The following SMAP2 variants were observed in gnomAD, a reference collection of about 807,000 sequenced individuals.
SMAP2 encodes small ArfGAP2.
In SMAP2, 25 loss-of-function variants were observed where a neutral mutation model predicts 56.4. That is an observed-to-expected ratio of 0.44 (90% CI 0.32 to 0.62). The LOEUF (loss-of-function observed/expected upper bound fraction) is 0.62. SMAP2 is among the 20% of genes least tolerant of loss of function. SMAP2 has a pLI of 0.04. For missense variants in SMAP2, 388 were observed against 545.6 expected, an observed-to-expected ratio of 0.71 and a Z score of 2.88; for synonymous variants, 157 against 181.7, an observed-to-expected ratio of 0.86 and a Z score of 1.09.
At chr1:40,382,069 G>A (rs181557654) in intron 1 of SMAP2, among the ~76,000 whole-genome samples, 1 of 152,216 alleles carries the variant, frequency 6.6e-6, no homozygotes, top group East Asian at 1.9e-4. Context: ...TCATCTCTCA[G>A]TATATATACT....
rs1432092444 is a variant in SMAP2, at chr1:40,422,547, C to T, written c.*446C>T. ...CTAAGTGTTTAAATTTGAAAAGCAT[C>T]ATGTTCTCATGATTTATGGGAATGA... On this transcript the variant is annotated 3_prime_UTR_variant, in exon 10 of 10. Coordinates refer to ENST00000372718, the MANE Select transcript of SMAP2 (RefSeq NM_022733.3). 1 of 163,300 alleles carries T rather than the reference C, an allele frequency of 6.1e-6. No homozygotes were observed. Among genetic ancestry groups the T allele is most frequent in the Non-Finnish European group, 1.4e-5 (1 of 73,518 alleles). 10.1% of individuals were successfully genotyped at this position (163,300 alleles called of 1,614,324 possible).
At chr1:40,398,744 TC>T (rs1644798715) in intron 1 of SMAP2, among the ~76,000 whole-genome samples, 2 of 152,010 alleles carry the variant, frequency 1.3e-5, no homozygotes, top group South Asian at 4.1e-4. Context: ...GCTCAAGTGA[TC>T]CTCCAACCTC....
intron 1 of SMAP2, among the ~76,000 whole-genome samples, chr1:40,378,728 CCTT>C (rs1644564874): frequency 6.6e-6 from 1 of 152,128 alleles, no homozygotes; most frequent in Non-Finnish European, 1.5e-5. Flanking sequence ...TTTGCTTTTC[CCTT>C]CTTCTGCTAC....
At chr1:40,361,577 C>A (rs1044637131) in intron 1 of SMAP2, among the ~76,000 whole-genome samples, 1 of 152,118 alleles carries the variant, frequency 6.6e-6, no homozygotes, top group Non-Finnish European at 1.5e-5. Flanking sequence ...CTGGACCTTC[C>A]CTGGGCCAGA....
intron 9 of SMAP2, among the ~76,000 whole-genome samples, chr1:40,420,302 G>A (rs1027980234): frequency 5.9e-5 from 9 of 152,128 alleles, no homozygotes; most frequent in Middle Eastern, 3.2e-3. Context: ...GTAATGGAAT[G>A]CTATAAGTCT....
At chr1:40,356,421 T>G (rs1220985460) in intron 1 of SMAP2, among the ~76,000 whole-genome samples, 219 of 151,060 alleles carry the variant, frequency 1.4e-3, no homozygotes, top group Admixed American at 0.013. Context: ...TTTTGTTTTT[T>G]TTTTTTTGAG....
At chr1:40,352,319 C>T (rs1273575024) in intron 1 of SMAP2, among the ~76,000 whole-genome samples, 1 of 152,076 alleles carries the variant, frequency 6.6e-6, no homozygotes, top group Non-Finnish European at 1.5e-5. Flanking sequence ...TGTCCAGCTT[C>T]TCCTAATGCT....
chr1:40,407,365 C>T (rs1644895238), intron 2 of SMAP2, among the ~76,000 whole-genome samples: 1 of 152,066 alleles, frequency 6.6e-6, no homozygotes, highest in African/African-American at 2.4e-5. Flanking sequence ...GTGGTACGTA[C>T]CTGTAATCCC....
chr1:40,350,013 C>T (rs1439619429), intron 1 of SMAP2, among the ~76,000 whole-genome samples: 4 of 152,192 alleles, frequency 2.6e-5, no homozygotes, highest in Admixed American at 2.0e-4. Flanking sequence ...AGACAGTACT[C>T]CCAGGCCTCC....
rs1171342359 is a variant in SMAP2 at position 40,415,344 on chromosome 1, C to T, written c.644C>T (p.Ala215Val). 5 of 1,613,784 alleles carry T rather than the reference C, an allele frequency of 3.1e-6. No homozygotes were observed. The highest frequency in any genetic ancestry group is 3.4e-6 in the Non-Finnish European group (4 of 1,179,690). Residue 215 changes from alanine (A) to valine (V), a missense_variant, in exon 7 of 10, where the codon GCC becomes GTC. Coordinates refer to ENST00000372718, the MANE Select transcript of SMAP2 (RefSeq NM_022733.3). ...CTAGAGAAGGATTTAGATCTGTTGG[C>T]CTCTGTTCCATCCCCTTCTTCTTCC... ...NTLEKDLDLL[A>V]SVPSPSSSGS...
intron 1 of SMAP2, chr1:40,393,300 C>T (rs1644735077): frequency 1.3e-6 from 2 of 1,507,864 alleles, no homozygotes; most frequent in Non-Finnish European, 1.8e-6. Context: ...AAGCAACAAA[C>T]CCTATCTTAG....
chr1:40,388,723 G>T (rs1209120806), intron 1 of SMAP2, among the ~76,000 whole-genome samples: 2 of 152,188 alleles, frequency 1.3e-5, no homozygotes, highest in Non-Finnish European at 1.5e-5. Context: ...AAAGCAGGCT[G>T]CCCGAGCCAG....
chr1:40,413,142 G>A (rs1355002124), intron 5 of SMAP2, 40 bp downstream of exon 5: 1 of 1,477,556 alleles, frequency 6.8e-7, no homozygotes, highest in Admixed American at 1.7e-5. Flanking sequence ...ACAGCCTCAG[G>A]TATGTGTATA....
intron 1 of SMAP2, among the ~76,000 whole-genome samples, chr1:40,404,097 C>G (rs1459531428): frequency 6.6e-6 from 1 of 152,158 alleles, no homozygotes; most frequent in Admixed American, 6.5e-5. Context: ...GAGACCCTGT[C>G]TGTAAAGAAT....
chr1:40,406,633 A>T, intron 1 of SMAP2, 103 bp from the exon 2 acceptor site: 1 of 1,312,162 alleles, frequency 7.6e-7, no homozygotes, highest in Non-Finnish European at 1.0e-6. Context: ...GGTAAAAATT[A>T]TTTCACTTAT....
At chr1:40,392,252 G>C (rs1038261314) in intron 1 of SMAP2, among the ~76,000 whole-genome samples, 2 of 152,060 alleles carry the variant, frequency 1.3e-5, no homozygotes, top group Non-Finnish European at 2.9e-5. Flanking sequence ...CACTTGGTCG[G>C]GTGCAGAATG....
intron 1 of SMAP2, among the ~76,000 whole-genome samples, chr1:40,397,291 C>T (rs1306016389): frequency 6.6e-6 from 1 of 152,186 alleles, no homozygotes; most frequent in Non-Finnish European, 1.5e-5. Flanking sequence ...ACATGGGGAT[C>T]ATTTCTCTAC....
intron 1 of SMAP2, among the ~76,000 whole-genome samples, chr1:40,352,775 T>C (rs1569815098): frequency 6.6e-6 from 1 of 152,162 alleles, no homozygotes; most frequent in African/African-American, 2.4e-5. Flanking sequence ...CGATCCTCCC[T>C]CCTTGGCCTC....
chr1:40,387,399 T>G (rs115273015), intron 1 of SMAP2, among the ~76,000 whole-genome samples: 1,894 of 152,302 alleles, frequency 0.012, 20 homozygotes, highest in Middle Eastern at 0.02. Flanking sequence ...GTTAGAGTGA[T>G]GGGTTATTTA....
Sources: gnomAD v4.1 joint callset for allele counts (sites outside exome capture counted in the v4.1 genomes callset) on GRCh38, gnomAD v4.1.1 for gene constraint, MANE v1.5 for transcripts, NCBI Gene and HGNC (gene_info 2026-07-23, HGNC 2026-07-21) for gene names.